Variants in RBFOX1 observed in about 807,000 individuals in gnomAD.
RBFOX1 encodes RNA binding protein fox-1 homolog 1.
RBFOX1 carries 8 observed loss-of-function variants against 57.7 expected under a neutral mutation model. The observed-to-expected ratio is 0.14, with a 90% CI of 0.08 to 0.25. The LOEUF (loss-of-function observed/expected upper bound fraction) is 0.25. RBFOX1 is among the 10% of genes least tolerant of loss of function. RBFOX1 has a pLI of 1.00. For missense variants in RBFOX1, 611 were observed against 548.5 expected (o/e 1.11, Z -1.14); for synonymous variants, 326 against 222.4 (o/e 1.47, Z -4.15).
At chr16:6,791,922 G>C (rs2154249153) in intron 3 of RBFOX1, among the ~76,000 whole-genome samples, 1 of 152,214 alleles carries the variant, frequency 6.6e-6, no homozygotes, top group Non-Finnish European at 1.5e-5. Context: ...GAGAGAGAGA[G>C]AACTAGAGAC....
intron 4 of RBFOX1, among the ~76,000 whole-genome samples, chr16:7,238,711 G>A (rs919953249): frequency 1.2e-4 from 19 of 152,110 alleles, no homozygotes; most frequent in East Asian, 5.8e-4. Context: ...GTGTCATGGG[G>A]GTTTGTTGTG....
At chr16:6,165,825 G>A (rs1353746543) in intron 1 of RBFOX1, among the ~76,000 whole-genome samples, 1 of 152,162 alleles carries the variant, frequency 6.6e-6, no homozygotes, top group African/African-American at 2.4e-5. Flanking sequence ...ACTCAACTGT[G>A]GAAGGTAAAT....
At chr16:5,983,876 C>T (rs563269815) in intron 4 of RBFOX1, among the ~76,000 whole-genome samples, 17 of 139,362 alleles carry the variant, frequency 1.2e-4, no homozygotes, top group Non-Finnish European at 2.5e-4. Flanking sequence ...CCTCCTCCTC[C>T]TCCTTCCCTA....
At chr16:7,071,382 G>A (rs1042445098) in intron 4 of RBFOX1, among the ~76,000 whole-genome samples, 4 of 152,108 alleles carry the variant, frequency 2.6e-5, no homozygotes, top group South Asian at 2.1e-4. Flanking sequence ...TTAGAAAAGC[G>A]CAGAGGAGAG....
intron 4 of RBFOX1, among the ~76,000 whole-genome samples, chr16:5,994,612 C>T (rs982491616): frequency 1.8e-4 from 27 of 152,108 alleles, no homozygotes; most frequent in Admixed American, 6.5e-5. Context: ...GTCCTACAGT[C>T]TCCATTGCAG....
intron 2 of RBFOX1, among the ~76,000 whole-genome samples, chr16:6,563,592 C>A (rs1311494816): frequency 2.0e-5 from 3 of 152,130 alleles, no homozygotes; most frequent in African/African-American, 7.2e-5. Context: ...GCCTGTACTT[C>A]CAGCACTTTG....
intron 2 of RBFOX1, among the ~76,000 whole-genome samples, chr16:6,569,522 G>A (rs937674403): frequency 6.6e-6 from 1 of 152,218 alleles, no homozygotes; most frequent in African/African-American, 2.4e-5. Context: ...GTCCTAGACA[G>A]ACCTCTGAGA....
At chr16:7,047,716 C>CTTTTTTTTTTTTTTTTTTTTTTT (rs55636828) in intron 3 of RBFOX1, among the ~76,000 whole-genome samples, 3 of 47,936 alleles carry the variant, frequency 6.3e-5, no homozygotes, top group Non-Finnish European at 9.5e-5. Flanking sequence ...TCCTGCATTT[C>CTTTTTTTTTTTTTTTTTTTTTTT]TTTTTTTTTT....
chr16:5,376,703 C>T (rs931447637), intron 1 of RBFOX1, among the ~76,000 whole-genome samples: 31 of 147,210 alleles, frequency 2.1e-4, no homozygotes, highest in South Asian at 6.2e-4. Context: ...CCTTGGAACT[C>T]ATCGTCTTGG....
intron 4 of RBFOX1, among the ~76,000 whole-genome samples, chr16:5,951,935 G>A (rs541232182): frequency 5.9e-5 from 9 of 151,332 alleles, no homozygotes; most frequent in South Asian, 2.1e-4. Flanking sequence ...TACCAGGTAC[G>A]TCAGAATCAC....
chr16:6,081,467 G>A (rs1039378478), intron 1 of RBFOX1, among the ~76,000 whole-genome samples: 2 of 152,158 alleles, frequency 1.3e-5, no homozygotes, highest in African/African-American at 4.8e-5. Flanking sequence ...GAAGATGAAG[G>A]TGGTTGGTTT....
intron 3 of RBFOX1, among the ~76,000 whole-genome samples, chr16:6,799,653 A>G (rs181451978): frequency 1.8e-3 from 272 of 152,302 alleles, no homozygotes; most frequent in Non-Finnish European, 3.3e-3. Flanking sequence ...TACAGCTCGT[A>G]TAAAGCAGGT....
Position 7,709,062 on chromosome 16 carries a change from A to C in RBFOX1, c.1002A>C (p.Gly334=). Residue 334 remains glycine, a synonymous_variant, in exon 15 of 16, where the codon GGA becomes GGC. Transcript: ENST00000550418. The stretch of plus-strand genomic sequence containing the variant: ...ACCTCTATTTTCCTTTCAGTTACGG[A>C]CGAGTTTATGCTGCCGACCCCTACC... ...ATAAAYSDSY[G]RVYAADPYHH... is the part of the protein sequence containing the mutation. 2.5e-6 allele frequency: 4 copies of C among 1,613,346 alleles called. No individual in the cohort carries two copies. The highest frequency in any genetic ancestry group is 3.4e-6 in the Non-Finnish European group (4 of 1,179,418).
intron 4 of RBFOX1, among the ~76,000 whole-genome samples, chr16:7,366,082 T>A (rs550306514): frequency 6.6e-6 from 1 of 152,268 alleles, no homozygotes; most frequent in South Asian, 2.1e-4. Context: ...ACTGAGCCAA[T>A]CAGCTATGGC....
At chr16:5,482,131 C>T (rs2069565035) in intron 2 of RBFOX1, among the ~76,000 whole-genome samples, 1 of 152,122 alleles carries the variant, frequency 6.6e-6, no homozygotes, top group Admixed American at 6.5e-5. Context: ...AACACATGAG[C>T]CATCATTTAC....
At chr16:5,881,299 C>A (rs1265195829) in intron 4 of RBFOX1, among the ~76,000 whole-genome samples, 1 of 152,170 alleles carries the variant, frequency 6.6e-6, no homozygotes, top group Non-Finnish European at 1.5e-5. Context: ...TGGTCTCTAC[C>A]ACCTTGTGGT....
At chr16:6,664,705 CA>C (rs1446223015) in intron 3 of RBFOX1, among the ~76,000 whole-genome samples, 1 of 152,148 alleles carries the variant, frequency 6.6e-6, no homozygotes, top group Admixed American at 6.5e-5. Flanking sequence ...CACAGATAGG[CA>C]GGGATGGAAG....
chr16:7,417,510 C>A lies in RBFOX1; in HGVS notation c.28-100637C>A, dbSNP rs13339418. On this transcript the variant is annotated intron_variant, in intron 4 of 15. Coordinates refer to ENST00000550418, the MANE Select transcript of RBFOX1 (RefSeq NM_018723.4). ...CAATGCATCCGCCTTATTCGGATTT[C>A]ACCAGCTTCACATGGTATTGTGTGT... Among the ~76,000 whole-genome samples the A allele has an allele frequency of 8.0e-3, 1,105 of 138,774 alleles. 14 individuals carry two copies. The highest frequency in any genetic ancestry group is 0.028 in the African/African-American group (1,021 of 36,282). 91.0% of individuals were successfully genotyped at this position (138,774 alleles called of 152,430 possible). A position where few individuals can be genotyped will look rare whatever the true frequency, so the allele number is the denominator to read the frequency against.
intron 2 of RBFOX1, among the ~76,000 whole-genome samples, chr16:6,511,896 A>G (rs1278129987): frequency 6.6e-6 from 1 of 152,106 alleles, no homozygotes; most frequent in Non-Finnish European, 1.5e-5. Flanking sequence ...AGCTCTTTGT[A>G]GGAGTGTCTA....
Sources: gnomAD v4.1 joint callset for allele counts (sites outside exome capture counted in the v4.1 genomes callset) on GRCh38, gnomAD v4.1.1 for gene constraint, MANE v1.5 for transcripts, NCBI Gene and HGNC (gene_info 2026-07-23, HGNC 2026-07-21) for gene names.